Variants in SH3BP5 observed in about 807,000 individuals in gnomAD.
The protein encoded by SH3BP5 is SH3 domain-binding protein 5.
A neutral mutation model predicts 43.3 loss-of-function variants in SH3BP5; 22 were observed. That is an observed-to-expected ratio of 0.51 (90% CI 0.36 to 0.73). The LOEUF (loss-of-function observed/expected upper bound fraction) is 0.73, where lower values mean the gene tolerates loss of function less well. SH3BP5 is among the 30% of genes least tolerant of loss of function. The pLI is 0.00. For synonymous variants in SH3BP5, 255 were observed against 225.8 expected, an observed-to-expected ratio of 1.13 and a Z score of -1.16; for missense variants, 529 against 586.9, an observed-to-expected ratio of 0.90 and a Z score of 1.02.
chr3:15,311,006 T>A lies in SH3BP5; in HGVS notation c.202-6775A>T, dbSNP rs77471057. 2.7e-3 allele frequency among the ~76,000 whole-genome samples: 410 copies of A among 152,224 alleles called. 2 individuals carry two copies. Among genetic ancestry groups the A allele is most frequent in the African/African-American group, 9.5e-3 (394 of 41,528 alleles). ...CCAATCGCTCACCTGCTCACCTCAA[T>A]TACCTTGCCTGGAAACTGAGAATCC... On this transcript the variant is annotated intron_variant, in intron 2 of 8. Transcript: ENST00000383791.
intron 2 of SH3BP5, among the ~76,000 whole-genome samples, chr3:15,318,214 C>T (rs1698230502): frequency 1.3e-5 from 2 of 152,234 alleles, no homozygotes; most frequent in South Asian, 4.1e-4. Flanking sequence ...GTTATTTTTA[C>T]TTAGGTGCCA....
At chr3:15,329,631 T>C (rs985783257) in intron 2 of SH3BP5, among the ~76,000 whole-genome samples, 2 of 152,198 alleles carry the variant, frequency 1.3e-5, no homozygotes, top group Non-Finnish European at 2.9e-5. Context: ...ACACTCTCAC[T>C]CTTAGGGACC....
intron 3 of SH3BP5, among the ~76,000 whole-genome samples, chr3:15,283,575 T>C (rs769238053): frequency 2.0e-5 from 3 of 152,214 alleles, no homozygotes; most frequent in Admixed American, 6.5e-5. Context: ...ATGGCCCCAA[T>C]AGCCTGTTAG....
intron 2 of SH3BP5, among the ~76,000 whole-genome samples, chr3:15,324,856 CAA>C (rs373214083): frequency 1.0e-3 from 118 of 114,194 alleles, no homozygotes; most frequent in Non-Finnish European, 1.1e-3. Context: ...TCCTTGGGTC[CAA>C]AAAAAAAAAA....
At position 15,255,618 on chromosome 3, in the gene SH3BP5, C is replaced by T. The variant is rs1696166769; in HGVS notation, c.*468G>A. The T allele has an allele frequency of 6.5e-6, 1 of 152,980 alleles. No homozygotes were observed. The highest frequency in any genetic ancestry group is 2.4e-5 in the African/African-American group (1 of 41,178). 9.5% of individuals were successfully genotyped at this position (152,980 alleles called of 1,614,324 possible). A position where few individuals can be genotyped will look rare whatever the true frequency, so the allele number is the denominator to read the frequency against. On this transcript the variant is annotated 3_prime_UTR_variant, in exon 9 of 9. Coordinates refer to ENST00000383791, the MANE Select transcript of SH3BP5 (RefSeq NM_004844.5). Reference sequence around the variant, plus strand: ...CTCCACTGGGTCAAAAATATGTGCTCTTAATACTTGAGTTTTTGCTTTGTG... The same window carrying T: ...CTCCACTGGGTCAAAAATATGTGCTTTTAATACTTGAGTTTTTGCTTTGTG...
chr3:15,267,730 G>A (rs189757351), intron 4 of SH3BP5, among the ~76,000 whole-genome samples: 3 of 152,290 alleles, frequency 2.0e-5, no homozygotes, highest in Admixed American at 1.3e-4. Flanking sequence ...TGGTATGAAC[G>A]GTGCCCTGAG....
chr3:15,311,952 G>C (rs367638642), intron 2 of SH3BP5, among the ~76,000 whole-genome samples: 1 of 152,136 alleles, frequency 6.6e-6, no homozygotes, highest in Non-Finnish European at 1.5e-5. Flanking sequence ...TTACAGGCGT[G>C]AGCCACTGCA....
chr3:15,269,548 C>T (rs1696738220), intron 4 of SH3BP5, among the ~76,000 whole-genome samples, 165 bp downstream of exon 4: 1 of 152,226 alleles, frequency 6.6e-6, no homozygotes, highest in Non-Finnish European at 1.5e-5. Context: ...GGAGCACTGG[C>T]TTCGTACCAA....
chr3:15,258,552 T>A (rs1285488975), intron 7 of SH3BP5: 1 of 464,472 alleles, frequency 2.2e-6, no homozygotes, highest in African/African-American at 2.0e-5. Context: ...GCAGGACTTC[T>A]CAGCCTTGAA....
At position 15,256,133 on chromosome 3, in the gene SH3BP5, C is replaced by A. The variant is rs1235566055; in HGVS notation, c.1321G>T (p.Gly441Ter). 1.9e-6 allele frequency: 3 copies of A among 1,614,204 alleles called. No individual in the cohort carries two copies. The highest frequency in any genetic ancestry group is 1.6e-4 in the Middle Eastern group (1 of 6,062). ...ATGTCAGCAATAATTCCATCTCTTCCCTTTGAGCACTGTAGGGAGAGCTGC... is the reference window on the plus strand; with the variant it reads ...ATGTCAGCAATAATTCCATCTCTTCACTTTGAGCACTGTAGGGAGAGCTGC... Reference protein sequence around the residue: ...MKQLSLQCSKGRDGIIADIKM... With the variant: ...MKQLSLQCSK The change falls in exon 9 of 9, where the codon GGA (glycine) becomes TGA (stop). Residue 441 changes from glycine to a stop codon, truncating the protein, a stop_gained. Transcript: ENST00000383791. LOFTEE classifies it high-confidence loss of function.
At chr3:15,299,646 C>A (rs915102110) in intron 3 of SH3BP5, among the ~76,000 whole-genome samples, 2 of 151,910 alleles carry the variant, frequency 1.3e-5, no homozygotes, top group Admixed American at 6.6e-5. Flanking sequence ...GCACATATCA[C>A]TACATCCAGC....
At position 15,272,619 on chromosome 3, in the gene SH3BP5, T is replaced by C. The variant is rs1459700209; in HGVS notation, c.331-2742A>G. Among the ~76,000 whole-genome samples the C allele has an allele frequency of 7.5e-5, 7 of 93,718 alleles. 2 individuals are homozygous for C. Among genetic ancestry groups the C allele is most frequent in the Non-Finnish European group, 1.3e-4 (7 of 53,758 alleles). 61.5% of individuals were successfully genotyped at this position (93,718 alleles called of 152,430 possible). A position where few individuals can be genotyped will look rare whatever the true frequency, so the allele number is the denominator to read the frequency against. ...AAGACATTACAAAACAGAGTGCCCG[T>C]AGGATAAAGACATATTACAAAACAG... is the stretch of plus-strand genomic sequence containing the variant. On this transcript the variant is annotated intron_variant, in intron 3 of 8. Coordinates refer to ENST00000383791, the MANE Select transcript of SH3BP5 (RefSeq NM_004844.5).
intron 3 of SH3BP5, among the ~76,000 whole-genome samples, chr3:15,296,206 C>T (rs1697564580): frequency 6.6e-6 from 1 of 152,108 alleles, no homozygotes; most frequent in African/African-American, 2.4e-5. Context: ...AGATGGGGCT[C>T]CTGGAGGATA....
chr3:15,332,510 G>T lies in SH3BP5; in HGVS notation c.-102C>A. ...AGCCGCCTCGCCACAGCCGGGCACG[G>T]TCGGGGAGCCGCCGGGGCCGACACC... On this transcript the variant is annotated 5_prime_UTR_variant, in exon 1 of 9. Transcript: ENST00000383791. The T allele has an allele frequency of 2.4e-6, 3 of 1,266,954 alleles. No homozygotes were observed. The highest frequency in any genetic ancestry group is 3.0e-6 in the Non-Finnish European group (3 of 1,010,690). 78.5% of individuals were successfully genotyped at this position (1,266,954 alleles called of 1,614,324 possible).
At chr3:15,261,159 C>T (rs551757220) in intron 5 of SH3BP5, among the ~76,000 whole-genome samples, 1 of 152,220 alleles carries the variant, frequency 6.6e-6, no homozygotes, top group Non-Finnish European at 1.5e-5. Flanking sequence ...CTACTTAGCT[C>T]TCAGGAGATC....
At chr3:15,315,375 G>A (rs1193545993) in intron 2 of SH3BP5, among the ~76,000 whole-genome samples, 4 of 152,180 alleles carry the variant, frequency 2.6e-5, no homozygotes, top group East Asian at 1.9e-4. Context: ...TGGGCATCGC[G>A]CAGCTCCAGA....
At chr3:15,265,559 C>CACAA (rs1285577992) in intron 4 of SH3BP5, among the ~76,000 whole-genome samples, 1 of 142,820 alleles carries the variant, frequency 7.0e-6, no homozygotes, top group African/African-American at 2.6e-5. Flanking sequence ...CACACACACA[C>CACAA]AACCCTCCAG....
rs2125034146 is a variant in SH3BP5 at position 15,256,043 on chromosome 3, T to C, written c.*43A>G. The C allele has an allele frequency of 7.0e-6, 10 of 1,427,878 alleles. No homozygotes were observed. Among genetic ancestry groups the C allele is most frequent in the Middle Eastern group, 3.6e-4 (2 of 5,620 alleles). The allele number at this position is 1,427,878 out of a possible 1,614,324, so 88.5% of individuals were successfully genotyped here. On this transcript the variant is annotated 3_prime_UTR_variant, in exon 9 of 9. Transcript: ENST00000383791. ...ATTGGCACAATGTTCTCCAGTTCCA[T>C]GTATAAATGTTGATATGCACATCGG...
At chr3:15,290,886 G>C (rs1262200937) in intron 3 of SH3BP5, among the ~76,000 whole-genome samples, 1 of 152,124 alleles carries the variant, frequency 6.6e-6, no homozygotes, top group African/African-American at 2.4e-5. Context: ...AGGCCATCGA[G>C]AATGGAGAAG....
Sources: allele counts gnomAD v4.1 joint callset (sites outside exome capture counted in the v4.1 genomes callset), GRCh38; gene constraint gnomAD v4.1.1; transcripts MANE v1.5; gene names NCBI Gene and HGNC (gene_info 2026-07-23, HGNC 2026-07-21).